The following PRKAR2A variants were observed in gnomAD, a reference collection of about 807,000 sequenced individuals.
PRKAR2A encodes the protein protein kinase cAMP-dependent type II regulatory subunit alpha.
In PRKAR2A, 29 loss-of-function variants were observed where a neutral mutation model predicts 51.9. The observed-to-expected ratio is 0.56, with a 90% CI of 0.42 to 0.76. PRKAR2A has a LOEUF of 0.76. Ranked by LOEUF, PRKAR2A falls within the 30% of genes least tolerant of loss-of-function variation. The pLI, the probability that PRKAR2A is intolerant of heterozygous loss-of-function variation, is 0.00. For missense variants in PRKAR2A, 445 were observed against 512.1 expected (o/e 0.87, Z 1.26); for synonymous variants, 178 against 186.2 (o/e 0.96, Z 0.36).
Position 48,793,521 on chromosome 3 carries a change from C to T in PRKAR2A, c.351+476G>A, listed in dbSNP as rs184796430. The stretch of plus-strand genomic sequence containing the variant: ...TCCTGGGGTTCAACTGATCTTCCCA[C>T]CTCAACCTCCCAAAGTGCTGAGATT... On this transcript the variant is annotated intron_variant, in intron 3 of 10. Coordinates refer to ENST00000265563, the MANE Select transcript of PRKAR2A (RefSeq NM_004157.4). Among the ~76,000 whole-genome samples the T allele has an allele frequency of 1.2e-4, 18 of 152,280 alleles. No individual in the cohort carries two copies. The East Asian group carries it at 2.5e-3, about 21-fold the overall frequency.
Position 48,751,568 on chromosome 3 carries a change from T to G in PRKAR2A, c.*17A>C. On this transcript the variant is annotated 3_prime_UTR_variant, in exon 11 of 11. Coordinates refer to ENST00000265563, the MANE Select transcript of PRKAR2A (RefSeq NM_004157.4). ...GGTTTTGGTGTCACACTAAGAAGGC[T>G]CTGGGGTGTGGCACACCTACTGCCC... 1 of 1,609,212 alleles carries G rather than the reference T, an allele frequency of 6.2e-7. No individual in the cohort carries two copies. The highest frequency in any genetic ancestry group is 8.5e-7 in the Non-Finnish European group (1 of 1,176,806).
At chr3:48,760,517 A>T (rs2081847402) in intron 8 of PRKAR2A, among the ~76,000 whole-genome samples, 1 of 151,860 alleles carries the variant, frequency 6.6e-6, no homozygotes, top group Non-Finnish European at 1.5e-5. Flanking sequence ...CTCTACAAAA[A>T]ATTTAAAAAT....
At chr3:48,792,261 C>G (rs1319079109) in intron 3 of PRKAR2A, among the ~76,000 whole-genome samples, 1 of 151,268 alleles carries the variant, frequency 6.6e-6, no homozygotes, top group Non-Finnish European at 1.5e-5. Context: ...CCTGCCTCAG[C>G]CTCCTGAGTA....
chr3:48,820,759 CA>C (rs1439105761), intron 1 of PRKAR2A, among the ~76,000 whole-genome samples: 5 of 152,102 alleles, frequency 3.3e-5, no homozygotes, highest in African/African-American at 1.2e-4. Flanking sequence ...AGTAGCAGTT[CA>C]GCAGAGAAAC....
In PRKAR2A at chr3:48,847,639, G is replaced by A. The variant is rs777799856; in HGVS notation, c.-43C>T. On this transcript the variant is annotated 5_prime_UTR_variant, in exon 1 of 11. Coordinates refer to ENST00000265563, the MANE Select transcript of PRKAR2A (RefSeq NM_004157.4). This position sits in a 1 kb window ranked among gnomAD's most constrained non-coding sequence, Gnocchi z 4.4. ...GGATAGACGGGTTGGGCCGCCGGCG[G>A]CCACTGTCTCCGCGCTCACTCACGC... 119 of 1,404,012 alleles carry A rather than the reference G, an allele frequency of 8.5e-5. No homozygotes were observed. The highest frequency in any genetic ancestry group is 1.1e-4 in the Non-Finnish European group (115 of 1,084,874). The allele number at this position is 1,404,012 out of a possible 1,614,324, so 87.0% of individuals were successfully genotyped here. A position where few individuals can be genotyped will look rare whatever the true frequency, so the allele number is the denominator to read the frequency against.
intron 6 of PRKAR2A, among the ~76,000 whole-genome samples, chr3:48,765,736 AAAAAAAAAAAAAG>A (rs2081931440): frequency 6.7e-6 from 1 of 149,956 alleles, no homozygotes; most frequent in Non-Finnish European, 1.5e-5. Context: ...AAAAAAAAAA[AAAAAAAAAAAAAG>A]AGACACCTCA....
intron 9 of PRKAR2A, 144 bp from the exon 10 acceptor site, chr3:48,752,461 G>T: frequency 3.3e-6 from 3 of 900,708 alleles, no homozygotes; most frequent in Non-Finnish European, 5.0e-6. Context: ...ACTGTACCAT[G>T]TAAACTCCAT....
chr3:48,797,339 TTA>T (rs988155145), intron 2 of PRKAR2A, among the ~76,000 whole-genome samples: 9 of 151,906 alleles, frequency 5.9e-5, no homozygotes, highest in Admixed American at 5.9e-4. Context: ...CAGCTAATTT[TTA>T]TGTTTTTAGT....
intron 1 of PRKAR2A, among the ~76,000 whole-genome samples, chr3:48,829,799 ATATATACATATATATGTATG>A (rs1559646703): frequency 7.6e-6 from 1 of 131,862 alleles, no homozygotes; most frequent in South Asian, 2.4e-4. Flanking sequence ...ATATATGCGT[ATATATACATATATATGTATG>A]TATATACATA....
chr3:48,748,853 A>G lies in PRKAR2A; in HGVS notation c.*2732T>C, dbSNP rs946935666. On this transcript the variant is annotated 3_prime_UTR_variant, in exon 11 of 11. Coordinates refer to ENST00000265563, the MANE Select transcript of PRKAR2A (RefSeq NM_004157.4). ...CCTCAGAAAAATATGGGGTCACCAC[A>G]TGGGCTTTCCCAGTGCTAGCTGCCT... 1 of 152,248 alleles carries G rather than the reference A, an allele frequency of 6.6e-6. No individual in the cohort carries two copies. The highest frequency in any genetic ancestry group is 1.5e-5 in the Non-Finnish European group (1 of 68,050). The allele number at this position is 152,248 out of a possible 1,614,324, so 9.4% of individuals were successfully genotyped here.
At chr3:48,843,994 A>G (rs1454185752) in intron 1 of PRKAR2A, among the ~76,000 whole-genome samples, 1 of 149,312 alleles carries the variant, frequency 6.7e-6, no homozygotes, top group Non-Finnish European at 1.5e-5. Flanking sequence ...ATGGGATCTA[A>G]TTAAACTAAA....
chr3:48,829,871 A>ATATTTTT (rs1297832658), intron 1 of PRKAR2A, among the ~76,000 whole-genome samples: 8 of 87,726 alleles, frequency 9.1e-5, no homozygotes, highest in Middle Eastern at 9.4e-3. Flanking sequence ...ATATATATAT[A>ATATTTTT]TTTTTTTTTT....
Position 48,808,884 on chromosome 3 carries a change from C to T in PRKAR2A, c.263-1200G>A, listed in dbSNP as rs375294025. Among the ~76,000 whole-genome samples, 12 of 65,378 alleles carry T rather than the reference C, an allele frequency of 1.8e-4. No homozygotes were observed. The East Asian group carries it at 3.2e-3, about 18-fold the overall frequency. 42.9% of individuals were successfully genotyped at this position (65,378 alleles called of 152,430 possible). A position where few individuals can be genotyped will look rare whatever the true frequency, so the allele number is the denominator to read the frequency against. The stretch of plus-strand genomic sequence containing the variant: ...GGTCTTGAACTCCTGACAGGTGATC[C>T]GCCTGCCTCAGCCTCCCAAAGTGCT... On this transcript the variant is annotated intron_variant, in intron 1 of 10. Transcript: ENST00000265563.
chr3:48,778,014 G>A (rs1337861960), intron 5 of PRKAR2A, among the ~76,000 whole-genome samples: 57 of 152,096 alleles, frequency 3.7e-4, no homozygotes, highest in Admixed American at 3.7e-3. Flanking sequence ...TTCCCATTCA[G>A]GTCATCCTCT....
chr3:48,842,352 T>C (rs1402793882), intron 1 of PRKAR2A, among the ~76,000 whole-genome samples: 1 of 152,226 alleles, frequency 6.6e-6, no homozygotes, highest in Non-Finnish European at 1.5e-5. Flanking sequence ...AATCATGTCA[T>C]CTGCAAACAG....
At chr3:48,811,675 TG>T (rs1194819112) in intron 1 of PRKAR2A, among the ~76,000 whole-genome samples, 1 of 151,236 alleles carries the variant, frequency 6.6e-6, no homozygotes, top group African/African-American at 2.4e-5. Flanking sequence ...GATTATTTAT[TG>T]GGTACAGGTT....
rs184849670 is a variant in PRKAR2A at position 48,747,862 on chromosome 3, T to C, written c.*3723A>G. On this transcript the variant is annotated 3_prime_UTR_variant, in exon 11 of 11. Coordinates refer to ENST00000265563, the MANE Select transcript of PRKAR2A (RefSeq NM_004157.4). Reference sequence around the variant, plus strand: ...CCTCTCCATGAGGCTCAACCGTCAGTGCAGGGCTTGCCTGATGTGGACAAT... The same window carrying C: ...CCTCTCCATGAGGCTCAACCGTCAGCGCAGGGCTTGCCTGATGTGGACAAT... 6.6e-6 allele frequency: 1 copy of C among 152,376 alleles called. No individual in the cohort carries two copies. The highest frequency in any genetic ancestry group is 6.5e-5 in the Admixed American group (1 of 15,298). The allele number at this position is 152,376 out of a possible 1,614,324, so 9.4% of individuals were successfully genotyped here.
intron 9 of PRKAR2A, among the ~76,000 whole-genome samples, chr3:48,754,760 C>T (rs931982955): frequency 1.3e-5 from 2 of 150,658 alleles, no homozygotes; most frequent in Non-Finnish European, 1.5e-5. Flanking sequence ...GCAACAAGAG[C>T]GACACTCTAG....
chr3:48,813,200 A>G (rs940459387), intron 1 of PRKAR2A, among the ~76,000 whole-genome samples: 1 of 149,644 alleles, frequency 6.7e-6, no homozygotes, highest in African/African-American at 2.5e-5. Flanking sequence ...TTCGAGACCA[A>G]CCTGGGCAAG....
Sources: allele counts gnomAD v4.1 joint callset (sites outside exome capture counted in the v4.1 genomes callset), GRCh38; gene constraint gnomAD v4.1.1; non-coding constraint Gnocchi (gnomAD v3.1); transcripts MANE v1.5; gene names NCBI Gene and HGNC (gene_info 2026-07-23, HGNC 2026-07-21).